The following DGKB variants were observed in gnomAD, a reference collection of about 807,000 sequenced individuals.
DGKB encodes 90 kDa diacylglycerol kinase.
Under a neutral mutation model 114.3 loss-of-function variants are expected in DGKB, and 67 were observed. The ratio of observed to expected loss-of-function variants is 0.59; its 90% CI spans 0.48 to 0.72. DGKB has a LOEUF of 0.72. DGKB is among the 30% of genes least tolerant of loss of function. The pLI, the probability that DGKB is intolerant of heterozygous loss-of-function variation, is 0.00. For synonymous variants in DGKB, 398 were observed against 323.1 expected (o/e 1.23, Z -2.49); for missense variants, 907 against 975.2 (o/e 0.93, Z 0.93).
intron 21 of DGKB, among the ~76,000 whole-genome samples, chr7:14,372,469 T>C (rs1817822223): frequency 6.6e-5 from 10 of 152,078 alleles, no homozygotes; most frequent in Admixed American, 6.6e-4. Flanking sequence ...TCATCATAAG[T>C]TGAGGAGCAC....
At chr7:14,895,366 C>A (rs1313643175) in intron 1 of DGKB, among the ~76,000 whole-genome samples, 1 of 151,496 alleles carries the variant, frequency 6.6e-6, no homozygotes, top group African/African-American at 2.4e-5. Flanking sequence ...ACAAGACAGA[C>A]CAGGTCTACA....
intron 13 of DGKB, among the ~76,000 whole-genome samples, chr7:14,665,221 T>C (rs1232347259): frequency 6.6e-6 from 1 of 151,984 alleles, no homozygotes; most frequent in African/African-American, 2.4e-5. Flanking sequence ...ATCGATCGTG[T>C]TCTTGGCAAG....
chr7:14,761,688 G>A (rs1244272630), intron 2 of DGKB, among the ~76,000 whole-genome samples: 1 of 152,198 alleles, frequency 6.6e-6, no homozygotes, highest in Non-Finnish European at 1.5e-5. Flanking sequence ...AAAGAGCACA[G>A]TGACAGATAC....
At chr7:14,934,352 T>C (rs1785174752) in intron 1 of DGKB, among the ~76,000 whole-genome samples, 1 of 152,194 alleles carries the variant, frequency 6.6e-6, no homozygotes, top group Admixed American at 6.5e-5. Context: ...AATAAGTCTT[T>C]GTAATATGAA....
chr7:14,783,650 T>C (rs1367927823), intron 2 of DGKB, among the ~76,000 whole-genome samples: 1 of 152,224 alleles, frequency 6.6e-6, no homozygotes, highest in African/African-American at 2.4e-5. Context: ...CATTGACAAG[T>C]GCAAATATTT....
At chr7:14,319,811 T>G (rs1205139696) in intron 23 of DGKB, among the ~76,000 whole-genome samples, 1 of 152,220 alleles carries the variant, frequency 6.6e-6, no homozygotes, top group Non-Finnish European at 1.5e-5. Flanking sequence ...GATAAAGTAT[T>G]GTATTTTATA....
chr7:14,915,529 G>T (rs1211952478), intron 1 of DGKB, among the ~76,000 whole-genome samples: 3 of 152,182 alleles, frequency 2.0e-5, no homozygotes, highest in African/African-American at 4.8e-5. Context: ...TATTCAAGCT[G>T]CAGAAAAGCA....
chr7:14,176,081 T>TATC (rs1299434013), intron 25 of DGKB: 1 of 152,492 alleles, frequency 6.6e-6, no homozygotes, highest in African/African-American at 2.4e-5. Flanking sequence ...TCCAGCTTCT[T>TATC]ATCATCATTT....
rs773102280 is a variant in DGKB at position 14,304,046 on chromosome 7, AACAC to A, written c.2122+34465_2122+34468del. On this transcript the variant is annotated intron_variant, in intron 23 of 25. Coordinates refer to ENST00000402815, the MANE Select transcript of DGKB (RefSeq NM_001350709.2). The stretch of plus-strand genomic sequence containing the variant: ...TATTATACACCATTTGTTCTTATAG[AACAC>A]ACACACACACACACACACACACACA... Among the ~76,000 whole-genome samples, 640 of 112,698 alleles carry A rather than the reference AACAC, an allele frequency of 5.7e-3. 4 individuals are homozygous for A. Among genetic ancestry groups the A allele is most frequent in the Middle Eastern group, 0.016 (3 of 184 alleles). 73.9% of individuals were successfully genotyped at this position (112,698 alleles called of 152,430 possible). A position where few individuals can be genotyped will look rare whatever the true frequency, so the allele number is the denominator to read the frequency against.
At chr7:14,563,988 T>G (rs2128679086) in intron 20 of DGKB, among the ~76,000 whole-genome samples, 1 of 152,320 alleles carries the variant, frequency 6.6e-6, no homozygotes. Context: ...CAGCTCTGTG[T>G]TAGACCCATC....
intron 2 of DGKB, among the ~76,000 whole-genome samples, chr7:14,769,599 T>G (rs1406424971): frequency 5.9e-5 from 9 of 152,048 alleles, no homozygotes; most frequent in Admixed American, 4.6e-4. Context: ...ATTTGTTTCC[T>G]AGGGCTGCTA....
At chr7:14,166,729 A>T (rs1784659699) in intron 25 of DGKB, among the ~76,000 whole-genome samples, 1 of 148,972 alleles carries the variant, frequency 6.7e-6, no homozygotes, top group Non-Finnish European at 1.5e-5. Context: ...CCATCAAACC[A>T]GTGATGAGTT....
chr7:14,922,006 C>T (rs1215462154), intron 1 of DGKB, among the ~76,000 whole-genome samples: 1 of 152,032 alleles, frequency 6.6e-6, no homozygotes, highest in African/African-American at 2.4e-5. Context: ...AAAATCTTTA[C>T]CAAAACCCTA....
At chr7:14,257,871 T>G (rs1191781169) in intron 23 of DGKB, among the ~76,000 whole-genome samples, 6 of 152,038 alleles carry the variant, frequency 3.9e-5, no homozygotes, top group African/African-American at 1.4e-4. Flanking sequence ...GGATTACAGG[T>G]GCCCACCACC....
chr7:14,598,748 A>G (rs981045577), intron 17 of DGKB, among the ~76,000 whole-genome samples: 2 of 152,206 alleles, frequency 1.3e-5, no homozygotes, highest in Non-Finnish European at 2.9e-5. Flanking sequence ...TTTATAAACT[A>G]TATATTTAAT....
chr7:14,647,876 G>T (rs375997903), intron 13 of DGKB, among the ~76,000 whole-genome samples: 12 of 152,298 alleles, frequency 7.9e-5, no homozygotes, highest in African/African-American at 2.9e-4. Flanking sequence ...TCAAAGAAAG[G>T]GGTGACGGAC....
At chr7:14,577,400 G>C (rs1243638844) in intron 19 of DGKB, among the ~76,000 whole-genome samples, 1 of 152,082 alleles carries the variant, frequency 6.6e-6, no homozygotes, top group African/African-American at 2.4e-5. Flanking sequence ...GGTGGATCAC[G>C]AGGTCAGGAG....
chr7:14,566,771 C>A (rs1390134660), intron 20 of DGKB, among the ~76,000 whole-genome samples: 2 of 151,992 alleles, frequency 1.3e-5, no homozygotes, highest in Non-Finnish European at 2.9e-5. Context: ...GCACTAAGCT[C>A]TTTCTTACCT....
intron 25 of DGKB, among the ~76,000 whole-genome samples, chr7:14,165,145 G>C (rs1262915877): frequency 6.6e-6 from 1 of 152,088 alleles, no homozygotes; most frequent in Non-Finnish European, 1.5e-5. Context: ...TTTTCAAGGA[G>C]TGAAAAATAT....
Sources: gnomAD v4.1 joint callset for allele counts (sites outside exome capture counted in the v4.1 genomes callset) on GRCh38, gnomAD v4.1.1 for gene constraint, MANE v1.5 for transcripts, NCBI Gene and HGNC (gene_info 2026-07-23, HGNC 2026-07-21) for gene names.